AKR1E2: variants seen among roughly 807,000 people sequenced by gnomAD.
AKR1E2 encodes the protein aldo-keto reductase family 1 member E2.
AKR1E2 carries 43 observed loss-of-function variants against 41.9 expected under a neutral mutation model. The ratio of observed to expected loss-of-function variants is 1.03; its 90% CI spans 0.80 to 1.32. The LOEUF (loss-of-function observed/expected upper bound fraction) is 1.32, where lower values mean the gene tolerates loss of function less well. Ranked by LOEUF, AKR1E2 falls within the 40% of genes most tolerant of loss-of-function variation. AKR1E2 has a pLI of 0.00. For synonymous variants in AKR1E2, 121 were observed against 138.9 expected, an observed-to-expected ratio of 0.87 and a Z score of 0.91; for missense variants, 423 against 396.5, an observed-to-expected ratio of 1.07 and a Z score of -0.57.
chr10:4,862,545 G>A, the AKR1E2 span, among the ~76,000 whole-genome samples: 1 of 152,118 alleles, frequency 6.6e-6, no homozygotes, highest in African/African-American at 2.4e-5. Context: ...TCACGATATT[G>A]ATTCTTCCTA....
At position 4,846,838 on chromosome 10, in the gene AKR1E2, C is replaced by A. The variant is rs116452333; in HGVS notation, c.838-310C>A. Among the ~76,000 whole-genome samples, 763 of 152,290 alleles carry A rather than the reference C, an allele frequency of 5.0e-3. 8 individuals are homozygous for A. Among genetic ancestry groups the A allele is most frequent in the African/African-American group, 0.018 (739 of 41,558 alleles). On this transcript the variant is annotated intron_variant, in intron 8 of 9. Transcript: ENST00000298375. ...GGATTACAGGCGTGAACCACCGCGC[C>A]CAGCCGCTATAACTTTTAACAATTC...
chr10:4,850,478 T>C (rs962215985), downstream of AKR1E2, among the ~76,000 whole-genome samples: 1 of 152,206 alleles, frequency 6.6e-6, no homozygotes, highest in Admixed American at 6.5e-5. Context: ...AGGGCCTCGC[T>C]GACTGATGGC....
At chr10:4,845,894 C>T (rs894466404) in intron 8 of AKR1E2, 7 of 467,800 alleles carry the variant, frequency 1.5e-5, no homozygotes, top group Admixed American at 4.7e-5. Context: ...ACAGCAGCGG[C>T]GGGTTAGGAG....
chr10:4,871,305 TG>T, the AKR1E2 span, among the ~76,000 whole-genome samples: 235 of 152,294 alleles, frequency 1.5e-3, no homozygotes, highest in African/African-American at 5.1e-3. Flanking sequence ...ATCATCTGGG[TG>T]TACCATCTGT....
At position 4,841,857 on chromosome 10, in the gene AKR1E2, G is replaced by C; in HGVS notation, c.753G>C (p.Gln251His). 2 of 1,613,210 alleles carry C rather than the reference G, an allele frequency of 1.2e-6. No individual in the cohort carries two copies. Among genetic ancestry groups the C allele is most frequent in the Non-Finnish European group, 1.7e-6 (2 of 1,179,668 alleles). ...IAKEHGKSPA[Q>H]ILIRFQIQRN... ...AGGAGCACGGCAAGTCTCCTGCTCA[G>C]GTAGGGAGGGAGGGCTGTTCTGAGC... The change falls in exon 7 of 10, where the codon CAG becomes CAC. Residue 251 changes from glutamine to histidine, a missense_variant and splice_region_variant. By Grantham distance (24) the Gln-to-His change is conservative. Transcript: ENST00000298375.
At chr10:4,844,590 C>T (rs1016347253) in intron 8 of AKR1E2, among the ~76,000 whole-genome samples, 60 of 152,270 alleles carry the variant, frequency 3.9e-4, no homozygotes, top group African/African-American at 1.4e-3. Context: ...AATCCCTGAG[C>T]TAGACACAAA....
At position 4,837,457 on chromosome 10, in the gene AKR1E2, A is replaced by G; in HGVS notation, c.460-2A>G. 4 of 1,614,160 alleles carry G rather than the reference A, an allele frequency of 2.5e-6. No individual in the cohort carries two copies. Among genetic ancestry groups the G allele is most frequent in the Non-Finnish European group, 3.4e-6 (4 of 1,179,976 alleles). On this transcript the variant is annotated splice_acceptor_variant, in intron 4 of 9. Transcript: ENST00000298375. LOFTEE classifies it high-confidence loss of function. Reference sequence around the variant, plus strand: ...ACACCCAGCAGAGTCGTTCTCTTATAGGCCATGGAGGACCTGGTGATCACC... The same window carrying G: ...ACACCCAGCAGAGTCGTTCTCTTATGGGCCATGGAGGACCTGGTGATCACC...
chr10:4,833,107 T>G (rs1348225961), intron 2 of AKR1E2, among the ~76,000 whole-genome samples: 1 of 152,218 alleles, frequency 6.6e-6, no homozygotes, highest in East Asian at 1.9e-4. Flanking sequence ...CTTGGATTCC[T>G]GAGCTTCCCT....
the AKR1E2 span, among the ~76,000 whole-genome samples, chr10:4,861,036 TCTC>T: frequency 5.9e-5 from 9 of 152,176 alleles, no homozygotes; most frequent in African/African-American, 2.2e-4. Context: ...TACATTATAA[TCTC>T]CTCTGATATG....
the AKR1E2 span, among the ~76,000 whole-genome samples, chr10:4,871,218 G>C: frequency 6.6e-6 from 1 of 151,970 alleles, no homozygotes; most frequent in Admixed American, 6.5e-5. Context: ...TTTGTTGCAA[G>C]TGTGTTTATA....
the AKR1E2 span, among the ~76,000 whole-genome samples, chr10:4,869,653 C>A: frequency 1.3e-5 from 2 of 151,844 alleles, no homozygotes; most frequent in Non-Finnish European, 2.9e-5. Flanking sequence ...TATAAACCCT[C>A]CTCTTGGCAC....
chr10:4,849,741 G>A (rs1834487865), downstream of AKR1E2, among the ~76,000 whole-genome samples: 1 of 152,172 alleles, frequency 6.6e-6, no homozygotes, highest in Admixed American at 6.5e-5. Context: ...GGTGTCTCAC[G>A]ATAGCTGGCC....
intron 3 of AKR1E2, among the ~76,000 whole-genome samples, chr10:4,834,070 C>T (rs537312524): frequency 6.6e-6 from 1 of 152,340 alleles, no homozygotes; most frequent in African/African-American, 2.4e-5. Flanking sequence ...CTGCCTCACA[C>T]GGGTCCTGGC....
chr10:4,852,291 C>T (rs1405298934), downstream of AKR1E2, among the ~76,000 whole-genome samples: 1 of 152,158 alleles, frequency 6.6e-6, no homozygotes, highest in East Asian at 1.9e-4. Flanking sequence ...CTAGAAAAAT[C>T]AGCATCTCTA....
chr10:4,861,948 G>A, the AKR1E2 span, among the ~76,000 whole-genome samples: 6 of 152,148 alleles, frequency 3.9e-5, no homozygotes, highest in African/African-American at 1.4e-4. Flanking sequence ...GATCCCATTT[G>A]TCAATTTTGG....
In AKR1E2 at chr10:4,837,695, TCTC is replaced by T. The variant is rs1833543215; in HGVS notation, c.582+118_582+120del. Reference sequence around the variant, plus strand: ...TGGGTGAAGCACAAAACAGGCCTGTTCTCCTCTGGCAGCACTCAGAATGGTGAT... The same window carrying T: ...TGGGTGAAGCACAAAACAGGCCTGTTCTCTGGCAGCACTCAGAATGGTGAT... On this transcript the variant is annotated intron_variant, in intron 5 of 9. Transcript: ENST00000298375. 2.7e-6 allele frequency: 4 copies of T among 1,465,270 alleles called. No homozygotes were observed. The East Asian group carries it at 7.1e-5, about 26-fold the overall frequency. 90.8% of individuals were successfully genotyped at this position (1,465,270 alleles called of 1,614,324 possible).
chr10:4,854,094 T>TG, the AKR1E2 span, among the ~76,000 whole-genome samples: 2 of 140,150 alleles, frequency 1.4e-5, no homozygotes, highest in South Asian at 5.0e-4. Flanking sequence ...TGTTTTTTTT[T>TG]TTTTTTTTTT....
At position 4,833,414 on chromosome 10, in the gene AKR1E2, T is replaced by C; in HGVS notation, c.272T>C (p.Leu91Ser). The change falls in exon 3 of 10, where the codon TTG (leucine) becomes TCG (serine). Residue 91 changes from leucine to serine, a missense_variant. Coordinates refer to ENST00000298375, the MANE Select transcript of AKR1E2 (RefSeq NM_001040177.3). ...GCATGCAGAAAGAGTCTCAAGGCCTTGAAGCTGAACTATTTGGACCTCTAC... is the reference window on the plus strand; with the variant it reads ...GCATGCAGAAAGAGTCTCAAGGCCTCGAAGCTGAACTATTTGGACCTCTAC... ...ETACRKSLKALKLNYLDLYLI... is the reference protein window; with the variant it reads ...ETACRKSLKASKLNYLDLYLI... 6.2e-7 allele frequency: 1 copy of C among 1,614,170 alleles called. No individual in the cohort carries two copies. The highest frequency in any genetic ancestry group is 8.5e-7 in the Non-Finnish European group (1 of 1,180,024).
intron 9 of AKR1E2, 39 bp downstream of exon 9, chr10:4,847,269 T>C: frequency 6.2e-7 from 1 of 1,612,026 alleles, no homozygotes; most frequent in Non-Finnish European, 8.5e-7. Flanking sequence ...GAGGGAAGAA[T>C]ATACAGATTG....
Sources: allele counts gnomAD v4.1 joint callset (sites outside exome capture counted in the v4.1 genomes callset), GRCh38; gene constraint gnomAD v4.1.1; transcripts MANE v1.5; gene names NCBI Gene and HGNC (gene_info 2026-07-23, HGNC 2026-07-21).